FMR1: variants seen among roughly 807,000 people sequenced by gnomAD.
FMR1 encodes the protein FMRP translational regulator 1.
Under a neutral mutation model 50.6 loss-of-function variants are expected in FMR1, and 13 were observed. The ratio of observed to expected loss-of-function variants is 0.26; its 90% CI spans 0.17 to 0.41. FMR1 has a LOEUF of 0.41. FMR1 is among the 10% of genes least tolerant of loss of function. FMR1 has a pLI of 1.00. For missense variants in FMR1, 316 were observed against 491.3 expected (o/e 0.64, Z 3.37); for synonymous variants, 138 against 164.1 (o/e 0.84, Z 1.22).
intron 9 of FMR1, chrX:147,933,353 C>A: frequency 1.6e-6 from 1 of 610,439 alleles, no homozygotes; most frequent in Non-Finnish European, 2.3e-6. Context: ...TGTATTTGAT[C>A]TTTCTTATGG....
chrX:147,920,379 C>T (rs782053473), intron 1 of FMR1, among the ~76,000 whole-genome samples: 9 of 111,720 alleles, frequency 8.1e-5, no homozygotes, highest in Admixed American at 2.9e-4. Flanking sequence ...CCTGCTGCCC[C>T]GTAGGCTTAG....
At chrX:147,945,857 A>G (rs2044154083) in intron 16 of FMR1, 2 of 282,624 alleles carry the variant, frequency 7.1e-6, no homozygotes, top group East Asian at 5.8e-5. Flanking sequence ...CAGCCACACT[A>G]TGATTTTATT....
Position 147,945,060 on chromosome X carries a change from A to G in FMR1, c.1654+9A>G, listed in dbSNP as rs1306387334. On this transcript the variant is annotated intron_variant, in intron 15 of 16. Coordinates refer to ENST00000370475, the MANE Select transcript of FMR1 (RefSeq NM_002024.6). ...TGGAGGAGGCTTCAAAGGTATGGAG[A>G]TCTTCATTAAGAAATCAAAGTGAAT... 8.6e-7 allele frequency: 1 copy of G among 1,168,309 alleles called. No homozygotes were observed.
At chrX:147,913,831 C>A (rs781810781) in intron 1 of FMR1, 2 of 111,681 alleles carry the variant, frequency 1.8e-5, no homozygotes, top group Non-Finnish European at 3.8e-5. Flanking sequence ...GTTCACGGTC[C>A]TAGATTAGTG....
intron 3 of FMR1, 60 bp downstream of exon 3, chrX:147,925,693 G>GT (rs781810881): frequency 5.9e-4 from 436 of 732,836 alleles, no homozygotes; most frequent in Non-Finnish European, 7.9e-4. Context: ...ATTTATCTGT[G>GT]TTTTTTTTTA....
chrX:147,919,161 G>A (rs61454069), intron 1 of FMR1, among the ~76,000 whole-genome samples: 3,143 of 111,715 alleles, frequency 0.028, 111 homozygotes, highest in African/African-American at 0.096. Flanking sequence ...TAAATAAGGG[G>A]TCAGTTACTT....
In FMR1 at chrX:147,925,592, G is replaced by A; in HGVS notation, c.157G>A (p.Val53Ile). The change falls in exon 3 of 17, where the codon GTA (valine) becomes ATA (isoleucine). Residue 53 changes from valine to isoleucine, a missense_variant. This residue lies in a region of FMR1 where 124 missense variants were observed against 238.1 expected (regional missense o/e 0.52). Transcript: ENST00000370475. The part of the protein sequence containing the change: ...PFHDVRFPPP[V>I]GYNKDINESD... ...TCATGATGTCAGATTCCCACCTCCT[G>A]TAGGTTATAATAAAGATATAAATGA... The A allele has an allele frequency of 8.3e-7, 1 of 1,205,177 alleles. No homozygotes were observed. Among genetic ancestry groups the A allele is most frequent in the Non-Finnish European group, 1.1e-6 (1 of 889,698 alleles).
chrX:147,943,349 A>G (rs370873100), intron 14 of FMR1, 23 bp downstream of exon 14: 2 of 1,148,216 alleles, frequency 1.7e-6, no homozygotes, highest in Non-Finnish European at 2.4e-6. Flanking sequence ...CATTTTACTC[A>G]GTAACTTTAT....
At chrX:147,943,032 T>C (rs1034610153) in intron 13 of FMR1, 99 bp from the exon 14 acceptor site, 69 of 703,466 alleles carry the variant, frequency 9.8e-5, no homozygotes, top group Non-Finnish European at 1.4e-4. Flanking sequence ...GAACTGAAAT[T>C]GAAATATTCC....
intron 7 of FMR1, among the ~76,000 whole-genome samples, chrX:147,930,684 G>T: frequency 8.9e-6 from 1 of 111,754 alleles, no homozygotes. Context: ...CCCGCCAGAG[G>T]CTATTTCCCT....
rs201888509 is a variant in FMR1, at chrX:147,948,649, G to A, written c.1738-34G>A. The A allele has an allele frequency of 2.5e-6, 3 of 1,209,723 alleles. No homozygotes were observed. In the East Asian group the frequency reaches 8.9e-5, roughly 36 times the overall value. ...CCAATTACAGATTACAGTAGGATAT[G>A]GTCTGTGTATATAACAACTATAACT... On this transcript the variant is annotated intron_variant, in intron 16 of 16. Coordinates refer to ENST00000370475, the MANE Select transcript of FMR1 (RefSeq NM_002024.6).
intron 14 of FMR1, chrX:147,944,392 T>A: frequency 1.3e-6 from 1 of 754,289 alleles, no homozygotes; most frequent in Non-Finnish European, 1.6e-6. Context: ...CCTGAAGCAG[T>A]TGCCATGGTG....
chrX:147,923,019 T>C (rs2043239156), intron 2 of FMR1, among the ~76,000 whole-genome samples: 1 of 111,987 alleles, frequency 8.9e-6, no homozygotes, highest in Admixed American at 9.5e-5. Flanking sequence ...AAATGTAGTA[T>C]GTGACCCAGG....
intron 1 of FMR1, among the ~76,000 whole-genome samples, chrX:147,916,365 G>A (rs1416972698): frequency 1.8e-5 from 2 of 111,810 alleles, no homozygotes; most frequent in African/African-American, 6.5e-5. Flanking sequence ...ATGGTTGGAA[G>A]GACTGTTGAT....
Position 147,938,313 on chromosome X carries a change from T to TA in FMR1, c.1188+155dup, listed in dbSNP as rs782649681. 9.2e-4 allele frequency: 464 copies of TA among 505,244 alleles called. 1 individual carries two copies. The African/African-American group carries it at 9.9e-3, about 11-fold the overall frequency. 41.6% of individuals were successfully genotyped at this position (505,244 alleles called of 1,213,427 possible). ...GATCCATTGCCCTGGAGTTAAAGCT[T>TA]AAACACCTTCATGCCGCTTGTAAGG... On this transcript the variant is annotated intron_variant, in intron 12 of 16. Transcript: ENST00000370475.
At position 147,949,593 on chromosome X, in the gene FMR1, G is replaced by A. The variant is rs1557183008; in HGVS notation, c.*749G>A. ...AAGAATAGGACTTGTTTTTGTTTTT[G>A]TTTTGTTGCACTGAAGTTTGATAAA... On this transcript the variant is annotated 3_prime_UTR_variant, in exon 17 of 17. Transcript: ENST00000370475. The A allele has an allele frequency of 3.0e-6, 1 of 329,094 alleles. No homozygotes were observed. Among genetic ancestry groups the A allele is most frequent in the Admixed American group, 3.1e-5 (1 of 32,210 alleles). The allele number at this position is 329,094 out of a possible 1,213,427, so 27.1% of individuals were successfully genotyped here.
intron 12 of FMR1, among the ~76,000 whole-genome samples, chrX:147,938,817 G>A (rs1469601934): frequency 6.3e-5 from 7 of 111,406 alleles, no homozygotes; most frequent in African/African-American, 1.3e-4. Context: ...TCTCATTGCC[G>A]GGCAGCCCAT....
intron 2 of FMR1, among the ~76,000 whole-genome samples, chrX:147,923,905 T>C (rs1321448756): frequency 3.6e-5 from 4 of 112,133 alleles, no homozygotes; most frequent in African/African-American, 1.3e-4. Flanking sequence ...AACAGTGTTT[T>C]GTAAAACACC....
At chrX:147,944,359 C>T (rs2044103916) in intron 14 of FMR1, 1 of 754,234 alleles carries the variant, frequency 1.3e-6, no homozygotes, top group South Asian at 6.7e-5. Context: ...TAGATCCAAT[C>T]CATGACCCAC....
Sources: allele counts gnomAD v4.1 joint callset (sites outside exome capture counted in the v4.1 genomes callset), GRCh38; gene constraint gnomAD v4.1.1; regional missense constraint gnomAD v4.1.1; transcripts MANE v1.5; gene names NCBI Gene and HGNC (gene_info 2026-07-23, HGNC 2026-07-21).